The following VPS13B variants were observed in gnomAD, a reference collection of about 807,000 sequenced individuals.
VPS13B encodes intermembrane lipid transfer protein VPS13B.
In VPS13B, 285 loss-of-function variants were observed where a neutral mutation model predicts 426.4. That is an observed-to-expected ratio of 0.67 (90% CI 0.61 to 0.74). The LOEUF (loss-of-function observed/expected upper bound fraction) is 0.74. VPS13B is among the 30% of genes least tolerant of loss of function. The pLI is 0.00. For synonymous variants in VPS13B, 1,676 were observed against 1,676.4 expected, an observed-to-expected ratio of 1.00 and a Z score of 0.01; for missense variants, 4,537 against 4,782.6, an observed-to-expected ratio of 0.95 and a Z score of 1.51.
intron 17 of VPS13B, among the ~76,000 whole-genome samples, chr8:99,212,245 G>T (rs560145927): frequency 1.3e-5 from 2 of 152,298 alleles, no homozygotes; most frequent in Non-Finnish European, 2.9e-5. Flanking sequence ...CACGGGCTGT[G>T]ACTGGCTTTA....
intron 8 of VPS13B, among the ~76,000 whole-genome samples, chr8:99,127,492 T>A (rs1848234573): frequency 6.6e-6 from 1 of 152,188 alleles, no homozygotes. Flanking sequence ...ACTAATTTGC[T>A]CAGGCTTAAC....
intron 17 of VPS13B, among the ~76,000 whole-genome samples, chr8:99,269,439 CAG>C (rs1818463857): frequency 6.6e-6 from 1 of 152,132 alleles, no homozygotes; most frequent in Non-Finnish European, 1.5e-5. Context: ...TGACTCATGT[CAG>C]CTTTCTTTAC....
At chr8:99,568,079 A>G (rs577955951) in intron 31 of VPS13B, among the ~76,000 whole-genome samples, 1 of 152,268 alleles carries the variant, frequency 6.6e-6, no homozygotes, top group East Asian at 1.9e-4. Context: ...GAGTAGGAAC[A>G]AGTTGAGCAC....
At chr8:99,439,436 C>A (rs1178576834) in intron 22 of VPS13B, among the ~76,000 whole-genome samples, 5 of 151,938 alleles carry the variant, frequency 3.3e-5, no homozygotes, top group Non-Finnish European at 2.9e-5. Context: ...TCCTGACTTC[C>A]AGGTCAGTTC....
At chr8:99,587,358 A>G (rs1826359019) in intron 33 of VPS13B, among the ~76,000 whole-genome samples, 1 of 151,950 alleles carries the variant, frequency 6.6e-6, no homozygotes, top group Admixed American at 6.5e-5. Context: ...TGGCTGGGTC[A>G]AATGGTATTT....
At chr8:99,777,091 C>G (rs1441773319) in intron 41 of VPS13B, 135 bp downstream of exon 41, 12 of 1,131,566 alleles carry the variant, frequency 1.1e-5, no homozygotes, top group African/African-American at 1.5e-5. Flanking sequence ...GCAAAGTTAT[C>G]CTGGGGTTGA....
chr8:99,376,185 T>A (rs900200907), intron 19 of VPS13B, among the ~76,000 whole-genome samples: 4 of 152,228 alleles, frequency 2.6e-5, no homozygotes, highest in African/African-American at 4.8e-5. Flanking sequence ...TTAAACAGAA[T>A]AAAATACTGC....
chr8:99,223,674 A>G (rs1815855229), intron 17 of VPS13B, among the ~76,000 whole-genome samples: 1 of 152,176 alleles, frequency 6.6e-6, no homozygotes, highest in Admixed American at 6.5e-5. Flanking sequence ...TTGGTATACA[A>G]ATACATGAAG....
chr8:99,570,751 T>C (rs981863105), intron 31 of VPS13B, among the ~76,000 whole-genome samples: 2 of 152,152 alleles, frequency 1.3e-5, no homozygotes, highest in Admixed American at 6.5e-5. Context: ...TAGAAGCTTA[T>C]CTTCAATGAT....
intron 17 of VPS13B, among the ~76,000 whole-genome samples, chr8:99,206,460 C>T (rs2132777496): frequency 6.6e-6 from 1 of 152,294 alleles, no homozygotes; most frequent in Non-Finnish European, 1.5e-5. Context: ...AGCGCAGTAG[C>T]ATCTGGTCTA....
chr8:99,860,204 T>C (rs1280701729), intron 57 of VPS13B, among the ~76,000 whole-genome samples: 2 of 152,164 alleles, frequency 1.3e-5, no homozygotes, highest in African/African-American at 4.8e-5. Flanking sequence ...TGAAAGTCTC[T>C]GGAAGGCCTC....
chr8:99,798,717 T>C (rs373420919), intron 43 of VPS13B, among the ~76,000 whole-genome samples: 1 of 152,234 alleles, frequency 6.6e-6, no homozygotes, highest in South Asian at 2.1e-4. Flanking sequence ...TATTGAAATA[T>C]AGCTTTGGAG....
chr8:99,577,908 A>G, intron 33 of VPS13B: 1 of 421,294 alleles, frequency 2.4e-6, no homozygotes, highest in East Asian at 5.0e-5. Context: ...AGCCTGCTGA[A>G]GTTCTAAAGT....
intron 30 of VPS13B, among the ~76,000 whole-genome samples, chr8:99,552,976 C>G (rs375946166): frequency 6.6e-6 from 1 of 152,080 alleles, no homozygotes; most frequent in East Asian, 1.9e-4. Context: ...CACAGAGGTC[C>G]GTAGAAGGGC....
At chr8:99,309,406 C>T (rs1355955109) in intron 19 of VPS13B, among the ~76,000 whole-genome samples, 1 of 152,264 alleles carries the variant, frequency 6.6e-6, no homozygotes, top group African/African-American at 2.4e-5. Flanking sequence ...ATATGGCTAG[C>T]CAGTTTTCCC....
intron 30 of VPS13B, among the ~76,000 whole-genome samples, chr8:99,537,033 T>C (rs576290041): frequency 6.2e-4 from 95 of 152,356 alleles, no homozygotes; most frequent in African/African-American, 2.2e-3. Context: ...TAAATATATT[T>C]ATACTGTAGA....
At chr8:99,609,965 C>T (rs572046312) in intron 33 of VPS13B, among the ~76,000 whole-genome samples, 3 of 152,294 alleles carry the variant, frequency 2.0e-5, no homozygotes, top group Non-Finnish European at 2.9e-5. Flanking sequence ...TTAAACGGTC[C>T]TTAATAGGGT....
chr8:99,567,566 G>A (rs34599848), intron 31 of VPS13B, among the ~76,000 whole-genome samples: 2 of 148,118 alleles, frequency 1.4e-5, no homozygotes, highest in East Asian at 2.0e-4. Flanking sequence ...TTCTTTAAAT[G>A]TACCTTAAAA....
intron 15 of VPS13B, among the ~76,000 whole-genome samples, chr8:99,160,205 G>A (rs1563575018): frequency 6.6e-6 from 1 of 152,036 alleles, no homozygotes; most frequent in Non-Finnish European, 1.5e-5. Flanking sequence ...TAAAAAATAA[G>A]TAATACATCC....
Sources: allele counts gnomAD v4.1 joint callset (sites outside exome capture counted in the v4.1 genomes callset), GRCh38; gene constraint gnomAD v4.1.1; transcripts MANE v1.5; gene names NCBI Gene and HGNC (gene_info 2026-07-23, HGNC 2026-07-21).